Variants in MDGA2 observed in about 807,000 individuals in gnomAD.
The protein encoded by MDGA2 is MAM domain-containing glycosylphosphatidylinositol anchor protein 2.
Under a neutral mutation model 117.8 loss-of-function variants are expected in MDGA2, and 40 were observed. The observed-to-expected ratio is 0.34, with a 90% CI of 0.26 to 0.44. The LOEUF is 0.44. MDGA2 is among the 20% of genes least tolerant of loss of function. The probability of loss-of-function intolerance (pLI) is 1.00; values close to 1 mark genes in which losing one functional copy is unlikely to be tolerated. For missense variants in MDGA2, 1,123 were observed against 1,250.6 expected (o/e 0.90, Z 1.54); for synonymous variants, 452 against 439.0 (o/e 1.03, Z -0.37).
intron 8 of MDGA2, among the ~76,000 whole-genome samples, chr14:47,001,354 C>A (rs1377238336): frequency 6.6e-6 from 1 of 151,870 alleles, no homozygotes; most frequent in Non-Finnish European, 1.5e-5. Flanking sequence ...AATAGGTGTT[C>A]ATAAACGAGG....
intron 1 of MDGA2, among the ~76,000 whole-genome samples, chr14:47,327,197 C>T (rs1890169024): frequency 6.6e-6 from 1 of 152,176 alleles, no homozygotes; most frequent in African/African-American, 2.4e-5. Flanking sequence ...AAACCCCCAA[C>T]CTCTTCTCTT....
chr14:47,305,364 T>C (rs2297927), intron 1 of MDGA2: 2 of 152,078 alleles, frequency 1.3e-5, no homozygotes, highest in African/African-American at 4.8e-5. Flanking sequence ...AAATATTGCA[T>C]GAGACTCATA....
At chr14:47,156,483 C>T (rs965332750) in intron 3 of MDGA2, among the ~76,000 whole-genome samples, 14 of 152,150 alleles carry the variant, frequency 9.2e-5, no homozygotes, top group South Asian at 2.1e-4. Flanking sequence ...AACTCACCTC[C>T]CAACATGCAC....
chr14:47,090,519 C>T (rs1180284707), intron 6 of MDGA2, among the ~76,000 whole-genome samples: 3 of 151,996 alleles, frequency 2.0e-5, no homozygotes, highest in Non-Finnish European at 4.4e-5. Context: ...GGTATCAAGG[C>T]GTCATGGGAG....
chr14:47,105,657 C>T (rs989624436), intron 5 of MDGA2, among the ~76,000 whole-genome samples: 8 of 151,486 alleles, frequency 5.3e-5, no homozygotes, highest in Admixed American at 2.6e-4. Flanking sequence ...AATAGGCAAA[C>T]GGTCTGAGGT....
intron 8 of MDGA2, among the ~76,000 whole-genome samples, chr14:47,000,269 T>G (rs1322652056): frequency 1.4e-5 from 2 of 146,708 alleles, no homozygotes; most frequent in African/African-American, 5.0e-5. Flanking sequence ...AGCATGTAAC[T>G]GCTCTAAGGA....
At position 47,239,319 on chromosome 14, in the gene MDGA2, CAT is replaced by C. The variant is rs541997299; in HGVS notation, c.421-21126_421-21125del. Among the ~76,000 whole-genome samples, 23 of 151,208 alleles carry C rather than the reference CAT, an allele frequency of 1.5e-4. No individual in the cohort carries two copies. In the South Asian group the frequency reaches 2.7e-3, roughly 18 times the overall value. On this transcript the variant is annotated intron_variant, in intron 2 of 16. Transcript: ENST00000399232. ...CTGGACTAGTATCACTGAGTTGAAA[CAT>C]ATCATTATTTTAATCATAAATATTT...
At chr14:47,640,049 G>T (rs1371405177) in intron 1 of MDGA2, among the ~76,000 whole-genome samples, 1 of 152,134 alleles carries the variant, frequency 6.6e-6, no homozygotes, top group Non-Finnish European at 1.5e-5. Flanking sequence ...TCTTGCCTTT[G>T]TTTCCAGAAC....
At chr14:46,985,484 T>C (rs1406454595) in intron 8 of MDGA2, among the ~76,000 whole-genome samples, 3 of 152,072 alleles carry the variant, frequency 2.0e-5, no homozygotes, top group Non-Finnish European at 2.9e-5. Flanking sequence ...TATCAATTTT[T>C]TGGAGAAGAG....
At chr14:46,901,112 A>G (rs1385374766) in intron 10 of MDGA2, among the ~76,000 whole-genome samples, 2 of 149,652 alleles carry the variant, frequency 1.3e-5, no homozygotes, top group East Asian at 2.0e-4. Context: ...ACACACATGA[A>G]TACTTACACA....
intron 3 of MDGA2, among the ~76,000 whole-genome samples, chr14:47,148,506 T>C (rs1161684144): frequency 1.3e-5 from 2 of 152,178 alleles, no homozygotes; most frequent in Non-Finnish European, 2.9e-5. Context: ...AAGTTGGCAT[T>C]TTTAGTTGAT....
intron 6 of MDGA2, among the ~76,000 whole-genome samples, chr14:47,084,319 G>A (rs1594602935): frequency 6.6e-6 from 1 of 151,568 alleles, no homozygotes; most frequent in East Asian, 1.9e-4. Context: ...AAGTACCAAG[G>A]GAAATTAAAA....
At chr14:47,207,096 G>A (rs1885712193) in intron 3 of MDGA2, among the ~76,000 whole-genome samples, 1 of 151,974 alleles carries the variant, frequency 6.6e-6, no homozygotes, top group Non-Finnish European at 1.5e-5. Context: ...TCACTGAGTT[G>A]TTCATTTGGA....
chr14:47,480,963 T>G (rs1339120203), intron 1 of MDGA2, among the ~76,000 whole-genome samples: 2 of 151,960 alleles, frequency 1.3e-5, no homozygotes, highest in Non-Finnish European at 2.9e-5. Context: ...ATCTTCATCT[T>G]GTACGAGAGT....
chr14:47,371,940 AATT>A (rs1026022737), intron 1 of MDGA2, among the ~76,000 whole-genome samples: 5 of 151,750 alleles, frequency 3.3e-5, no homozygotes, highest in African/African-American at 1.2e-4. Flanking sequence ...GTAATCTTTC[AATT>A]ATTATTTTGA....
At chr14:47,311,317 A>C (rs1167076768) in intron 1 of MDGA2, among the ~76,000 whole-genome samples, 1 of 152,188 alleles carries the variant, frequency 6.6e-6, no homozygotes, top group African/African-American at 2.4e-5. Flanking sequence ...GAAAACAAAT[A>C]AAATTTACTG....
chr14:47,040,963 T>C (rs1447181665), intron 7 of MDGA2, among the ~76,000 whole-genome samples: 1 of 152,122 alleles, frequency 6.6e-6, no homozygotes, highest in Non-Finnish European at 1.5e-5. Context: ...CAGAAGAAGA[T>C]GGTAGGAACA....
chr14:47,612,051 G>A (rs1896857438), intron 1 of MDGA2, among the ~76,000 whole-genome samples: 1 of 152,112 alleles, frequency 6.6e-6, no homozygotes, highest in Non-Finnish European at 1.5e-5. Context: ...AAAATGTTTA[G>A]TGGGAAGAAA....
chr14:47,271,507 C>A (rs1026185124), intron 2 of MDGA2, among the ~76,000 whole-genome samples: 22 of 151,944 alleles, frequency 1.4e-4, no homozygotes, highest in African/African-American at 5.3e-4. Flanking sequence ...TAAGTAGAAC[C>A]CTGGGAAAAA....
Sources: gnomAD v4.1 joint callset for allele counts (sites outside exome capture counted in the v4.1 genomes callset) on GRCh38, gnomAD v4.1.1 for gene constraint, MANE v1.5 for transcripts, NCBI Gene and HGNC (gene_info 2026-07-23, HGNC 2026-07-21) for gene names.